The following FBH1 variants were observed in gnomAD, a reference collection of about 807,000 sequenced individuals.
The protein encoded by FBH1 is F-box DNA helicase 1.
In FBH1, 43 loss-of-function variants were observed where a neutral mutation model predicts 115.5. The ratio of observed to expected loss-of-function variants is 0.37; its 90% CI spans 0.29 to 0.48. The LOEUF is 0.48. Ranked by LOEUF, FBH1 falls within the 20% of genes least tolerant of loss-of-function variation. The pLI, the probability that FBH1 is intolerant of heterozygous loss-of-function variation, is 0.99. For missense variants in FBH1, 1,001 were observed against 1,337.3 expected (o/e 0.75, Z 3.92); for synonymous variants, 524 against 507.8 (o/e 1.03, Z -0.43).
In FBH1 at chr10:5,936,574, T is replaced by G; in HGVS notation, c.2948T>G (p.Leu983Arg). The change falls in exon 20 of 21, where the codon CTG becomes CGG. Residue 983 changes from leucine (L) to arginine (R), a missense_variant. Leu to Arg is a moderately radical substitution (Grantham distance 102). Around this residue, in one of 4 missense-constraint regions of FBH1, gnomAD observed 521 missense variants for 811.0 expected, o/e 0.64. Transcript: ENST00000362091. The surrounding 1 kb of genome is among the most constrained non-coding windows in gnomAD (Gnocchi z 5.6). ...PVDTVLTMKK[L>R]PITYSNRKEN... Reference sequence around the variant, plus strand: ...GACACCGTCCTTACCATGAAGAAGCTGCCCATCACCTATGTACGTCTGCTG... The same window carrying G: ...GACACCGTCCTTACCATGAAGAAGCGGCCCATCACCTATGTACGTCTGCTG... The G allele has an allele frequency of 6.2e-7, 1 of 1,614,168 alleles. No homozygotes were observed. Among genetic ancestry groups the G allele is most frequent in the Non-Finnish European group, 8.5e-7 (1 of 1,179,982 alleles).
intron 2 of FBH1, among the ~76,000 whole-genome samples, chr10:5,904,886 A>G (rs1843603389): frequency 6.6e-6 from 1 of 152,152 alleles, no homozygotes; most frequent in Non-Finnish European, 1.5e-5. Flanking sequence ...TCAGTTTCAT[A>G]AATTTTGTTA....
intron 1 of FBH1, among the ~76,000 whole-genome samples, chr10:5,902,255 G>A (rs1843392843): frequency 6.6e-6 from 1 of 151,814 alleles, no homozygotes; most frequent in Non-Finnish European, 1.5e-5. Context: ...ACTGCAGCCT[G>A]TTTTATTATC....
Position 5,937,135 on chromosome 10 carries a change from G to A in FBH1, c.2987G>A (p.Gly996Asp). The A allele has an allele frequency of 7.5e-6, 12 of 1,609,812 alleles. No homozygotes were observed. Among genetic ancestry groups the A allele is most frequent in the Non-Finnish European group, 1.0e-5 (12 of 1,177,700 alleles). Residue 996 changes from glycine to aspartate, a missense_variant, in exon 21 of 21, where the codon GGC (glycine) becomes GAC (aspartate). This residue lies in a region of FBH1 where 521 missense variants were observed against 811.0 expected (regional missense o/e 0.64). Transcript: ENST00000362091. The part of the protein sequence containing the change: ...TYSNRKENKG[G>D]YLCHSCAEQR... ...AGCAACAGGAAGGAAAACAAGGGGG[G>A]CTACCTCTGCCACTCCTGTGCGGAG... is the stretch of plus-strand genomic sequence containing the variant.
chr10:5,917,633 T>C lies in FBH1; in HGVS notation c.1920T>C (p.Ser640=), dbSNP rs373907560. The part of the protein sequence containing the change: ...LWQLSKPSLA[S]FDAIFVDEAQ... ...AGCTGAGCAAGCCTTCGCTGGCCTC[T>C]TTTGACGCCATCTTTGTGGATGAGG... Residue 640 remains serine (S), a synonymous_variant, in exon 12 of 21, where the codon TCT becomes TCC. Transcript: ENST00000362091. The surrounding 1 kb of genome is among the most constrained non-coding windows in gnomAD (Gnocchi z 5.6). 24 of 1,614,008 alleles carry C rather than the reference T, an allele frequency of 1.5e-5. No homozygotes were observed. In the African/African-American group the frequency reaches 2.3e-4, roughly 15 times the overall value.
chr10:5,932,356 C>G lies in FBH1; in HGVS notation c.2830-4100C>G, dbSNP rs927639736. Among the ~76,000 whole-genome samples the G allele has an allele frequency of 2.0e-5, 3 of 152,182 alleles. No homozygotes were observed. The highest frequency in any genetic ancestry group is 7.2e-5 in the African/African-American group (3 of 41,430). ...AGCATTTCAGATACACTGTTGTGTA[C>G]TTTGCTTTGTCACTTAGAAGCCATG... On this transcript the variant is annotated intron_variant, in intron 19 of 20. Coordinates refer to ENST00000362091, the MANE Select transcript of FBH1 (RefSeq NM_178150.3). The surrounding 1 kb of genome is among the most constrained non-coding windows in gnomAD (Gnocchi z 5.9).
Position 5,933,840 on chromosome 10 carries a change from CGAG to C in FBH1, c.2830-2614_2830-2612del, listed in dbSNP as rs1240734357. 6.6e-6 allele frequency among the ~76,000 whole-genome samples: 1 copy of C among 151,762 alleles called. No homozygotes were observed. Among genetic ancestry groups the C allele is most frequent in the Non-Finnish European group, 1.5e-5 (1 of 67,952 alleles). On this transcript the variant is annotated intron_variant, in intron 19 of 20. Coordinates refer to ENST00000362091, the MANE Select transcript of FBH1 (RefSeq NM_178150.3). The surrounding 1 kb of genome is among the most constrained non-coding windows in gnomAD (Gnocchi z 4.9). The stretch of plus-strand genomic sequence containing the variant: ...TTTGGTATTTTTTTTTTGTTAAAGA[CGAG>C]GTTTCACCATGTTGGCCAGGCTGGT...
rs765798103 is a variant in FBH1 at position 5,936,602 on chromosome 10, T to C, written c.2961+15T>C. Reference sequence around the variant, plus strand: ...CCATCACCTATGTACGTCTGCTGTCTGTGGAACTTAATTCAGCCATTTGCA... The same window carrying C: ...CCATCACCTATGTACGTCTGCTGTCCGTGGAACTTAATTCAGCCATTTGCA... On this transcript the variant is annotated intron_variant, in intron 20 of 20. Coordinates refer to ENST00000362091, the MANE Select transcript of FBH1 (RefSeq NM_178150.3). This position sits in a 1 kb window ranked among gnomAD's most constrained non-coding sequence, Gnocchi z 5.6. The C allele has an allele frequency of 3.1e-6, 5 of 1,612,582 alleles. No homozygotes were observed. In the Admixed American group the frequency reaches 8.3e-5, roughly 27 times the overall value.
In FBH1 at chr10:5,909,053, A is replaced by T; in HGVS notation, c.882A>T (p.Ile294=). The T allele has an allele frequency of 6.2e-7, 1 of 1,614,182 alleles. No homozygotes were observed. The highest frequency in any genetic ancestry group is 1.3e-5 in the African/African-American group (1 of 75,074). The change falls in exon 4 of 21, where the codon ATA becomes ATT. Residue 294 remains isoleucine, a splice_region_variant and synonymous_variant. Coordinates refer to ENST00000362091, the MANE Select transcript of FBH1 (RefSeq NM_178150.3). This position sits in a 1 kb window ranked among gnomAD's most constrained non-coding sequence, Gnocchi z 4.4. ...KESDLCVLNL[I]RYTATTKCSP... ...CAGACCTGTGTGTGCTGAACCTCAT[A>T]CGGTGAGCTTTGCCTGTGCTGTAAA... is the stretch of plus-strand genomic sequence containing the variant.
chr10:5,904,309 A>G (rs556727582), intron 2 of FBH1, among the ~76,000 whole-genome samples: 111 of 152,304 alleles, frequency 7.3e-4, no homozygotes, highest in African/African-American at 2.5e-3. Context: ...CCAGGATTAC[A>G]GGTGCGAGCC....
chr10:5,916,100 C>A, intron 9 of FBH1, 134 bp from the exon 10 acceptor site: 2 of 785,892 alleles, frequency 2.5e-6, no homozygotes, highest in Non-Finnish European at 4.0e-6. Flanking sequence ...AACTTTTTCG[C>A]TTTAAAACAT....
Position 5,906,897 on chromosome 10 carries a change from C to T in FBH1, c.753+265C>T, listed in dbSNP as rs1039229977. Among the ~76,000 whole-genome samples, 5 of 152,174 alleles carry T rather than the reference C, an allele frequency of 3.3e-5. No homozygotes were observed. The highest frequency in any genetic ancestry group is 1.2e-4 in the African/African-American group (5 of 41,440). On this transcript the variant is annotated intron_variant, in intron 3 of 20. Coordinates refer to ENST00000362091, the MANE Select transcript of FBH1 (RefSeq NM_178150.3). The surrounding 1 kb of genome is among the most constrained non-coding windows in gnomAD (Gnocchi z 7.3). ...CTGACCACAGACTGCACATTCCTTC[C>T]CCTCCCTGGGTTGCTCTCATCCTCC...
At position 5,918,402 on chromosome 10, in the gene FBH1, A is replaced by G. The variant is rs1832105366; in HGVS notation, c.2024A>G (p.Gln675Arg). 6.2e-7 allele frequency: 1 copy of G among 1,613,408 alleles called. No individual in the cohort carries two copies. Among genetic ancestry groups the G allele is most frequent in the Non-Finnish European group, 8.5e-7 (1 of 1,179,836 alleles). The change falls in exon 13 of 21, where the codon CAG (glutamine) becomes CGG (arginine). Residue 675 changes from glutamine (Q) to arginine (R), a missense_variant. Gln to Arg is a conservative substitution (Grantham distance 43, BLOSUM62 1). Coordinates refer to ENST00000362091, the MANE Select transcript of FBH1 (RefSeq NM_178150.3). This position sits in a 1 kb window ranked among gnomAD's most constrained non-coding sequence, Gnocchi z 4.0. ...CGKIFVGDPH[Q>R]QIYTFRGAVN... The stretch of plus-strand genomic sequence containing the variant: ...AAAATCTTTGTAGGGGACCCGCACC[A>G]GCAGATCTATACCTTCCGGGGTGCG...
rs537092746 is a variant in FBH1, at chr10:5,920,466, A to G, written c.2101-792A>G. Among the ~76,000 whole-genome samples, 5 of 152,346 alleles carry G rather than the reference A, an allele frequency of 3.3e-5. No individual in the cohort carries two copies. In the East Asian group the frequency reaches 9.6e-4, roughly 29 times the overall value. ...TCCACACTCAAGGAGTAAGTGTTGG[A>G]GAATCTTCCCAAATTATTTGGAATT... On this transcript the variant is annotated intron_variant, in intron 13 of 20. Transcript: ENST00000362091.
Position 5,932,112 on chromosome 10 carries a change from A to C in FBH1, c.2830-4344A>C, listed in dbSNP as rs1271911386. Among the ~76,000 whole-genome samples the C allele has an allele frequency of 1.3e-5, 2 of 152,198 alleles. No individual in the cohort carries two copies. The highest frequency in any genetic ancestry group is 1.3e-4 in the Admixed American group (2 of 15,272). On this transcript the variant is annotated intron_variant, in intron 19 of 20. Coordinates refer to ENST00000362091, the MANE Select transcript of FBH1 (RefSeq NM_178150.3). This position sits in a 1 kb window ranked among gnomAD's most constrained non-coding sequence, Gnocchi z 5.9. ...CAGTGAGCTGAGATTGTGCCACTGC[A>C]CTCCAGCCTGGGTGACAGAGTGAGA...
chr10:5,930,356 C>T (rs147431962), intron 19 of FBH1, among the ~76,000 whole-genome samples: 174 of 152,326 alleles, frequency 1.1e-3, no homozygotes, highest in Non-Finnish European at 1.8e-3. Flanking sequence ...GGACTCCCTC[C>T]CTGCTTTTCC....
In FBH1 at chr10:5,907,315, C is replaced by T. The variant is rs1843757682; in HGVS notation, c.753+683C>T. ...AGTGTAAGCATTTATAGCAATAAAC[C>T]CCTCTCTTAAAACAGCCCAACAGCA... On this transcript the variant is annotated intron_variant, in intron 3 of 20. Coordinates refer to ENST00000362091, the MANE Select transcript of FBH1 (RefSeq NM_178150.3). Among the ~76,000 whole-genome samples, 3 of 151,774 alleles carry T rather than the reference C, an allele frequency of 2.0e-5. No homozygotes were observed. In the South Asian group the frequency reaches 6.2e-4, roughly 31 times the overall value.
At chr10:5,891,139 A>G in intron 1 of FBH1, 3 of 985,840 alleles carry the variant, frequency 3.0e-6, no homozygotes. Flanking sequence ...TCTGGAAGGC[A>G]GGATGGTAGC....
Position 5,903,115 on chromosome 10 carries a change from A to C in FBH1, c.97A>C (p.Thr33Pro), listed in dbSNP as rs866114650. The C allele has an allele frequency of 1.2e-6, 2 of 1,613,888 alleles. No homozygotes were observed. The highest frequency in any genetic ancestry group is 4.5e-5 in the East Asian group (2 of 44,874). ...GACCCAGCCCTTCGGTCAAAGATGG[A>C]CAAACAGAGATCCGAACCATGGTCT... is the stretch of plus-strand genomic sequence containing the variant. ...AVTQPFGQRW[T>P]NRDPNHGLYP... The change falls in exon 2 of 21, where the codon ACA becomes CCA. Residue 33 changes from threonine (T) to proline (P), a missense_variant. By Grantham distance (38) the Thr-to-Pro change is conservative. Coordinates refer to ENST00000362091, the MANE Select transcript of FBH1 (RefSeq NM_178150.3).
In FBH1 at chr10:5,895,272, TGTTAAA is replaced by T; in HGVS notation, c.1+4930_1+4935del. On this transcript the variant is annotated intron_variant, in intron 1 of 20. Coordinates refer to ENST00000362091, the MANE Select transcript of FBH1 (RefSeq NM_178150.3). The surrounding 1 kb of genome is among the most constrained non-coding windows in gnomAD (Gnocchi z 5.0). Reference sequence around the variant, plus strand: ...AGCAAAACTGCCCTCTGTGGATCTTTGTTAAAGTTGGGTATGGTATTGTAGCAGTTT... The same window carrying T: ...AGCAAAACTGCCCTCTGTGGATCTTTGTTGGGTATGGTATTGTAGCAGTTT... 1.4e-6 allele frequency: 2 copies of T among 1,448,952 alleles called. No homozygotes were observed. The highest frequency in any genetic ancestry group is 1.9e-6 in the Non-Finnish European group (2 of 1,075,554). 89.8% of individuals were successfully genotyped at this position (1,448,952 alleles called of 1,614,324 possible). A position where few individuals can be genotyped will look rare whatever the true frequency, so the allele number is the denominator to read the frequency against.
Sources: gnomAD v4.1 joint callset for allele counts (sites outside exome capture counted in the v4.1 genomes callset) on GRCh38, gnomAD v4.1.1 for gene constraint, gnomAD v4.1.1 regional missense constraint, Gnocchi (gnomAD v3.1) non-coding constraint, MANE v1.5 for transcripts, NCBI Gene and HGNC (gene_info 2026-07-23, HGNC 2026-07-21) for gene names.